The following ERCC5 variants were observed in gnomAD, a reference collection of about 807,000 sequenced individuals.
ERCC5 encodes ERCC excision repair 5, endonuclease.
A neutral mutation model predicts 105.6 loss-of-function variants in ERCC5; 68 were observed. That is an observed-to-expected ratio of 0.64 (90% CI 0.53 to 0.79). ERCC5 has a LOEUF of 0.79. Ranked by LOEUF, ERCC5 falls within the 30% of genes least tolerant of loss-of-function variation. The probability of loss-of-function intolerance (pLI) is 0.00; values close to 1 mark genes in which losing one functional copy is unlikely to be tolerated. For synonymous variants in ERCC5, 546 were observed against 526.2 expected (o/e 1.04, Z -0.51); for missense variants, 1,373 against 1,426.7 (o/e 0.96, Z 0.61).
rs1374580761 is a variant in ERCC5, at chr13:102,862,159, C to T, written c.1010C>T (p.Ala337Val). ...EKLKTEKEPD[A>V]TPPSPRTLLA... ...CTGAAGACAGAGAAAGAGCCTGATG[C>T]TACCCCTCCTTCTCCAAGAACTTTA... is the stretch of plus-strand genomic sequence containing the variant. Residue 337 changes from alanine (A) to valine (V), a missense_variant, in exon 8 of 15, where the codon GCT (alanine) becomes GTT (valine). This residue lies in a region of ERCC5 where 1,004 missense variants were observed against 1,059.7 expected (regional missense o/e 0.95). Transcript: ENST00000652225. 6.2e-7 allele frequency: 1 copy of T among 1,614,098 alleles called. No individual in the cohort carries two copies. The highest frequency in any genetic ancestry group is 8.5e-7 in the Non-Finnish European group (1 of 1,180,052).
Position 102,873,160 on chromosome 13 carries a change from G to A in ERCC5, c.2880-99G>A, listed in dbSNP as rs4150365. 33 of 1,418,432 alleles carry A rather than the reference G, an allele frequency of 2.3e-5. No homozygotes were observed. The Middle Eastern group carries it at 5.5e-4, about 24-fold the overall frequency. 87.9% of individuals were successfully genotyped at this position (1,418,432 alleles called of 1,614,324 possible). ...CTTTATAAATAGGAAAATCTTAGGA[G>A]ATACAGGGAATGGAATCAAGAATGG... is the stretch of plus-strand genomic sequence containing the variant. On this transcript the variant is annotated intron_variant, in intron 13 of 14. Coordinates refer to ENST00000652225, the MANE Select transcript of ERCC5 (RefSeq NM_000123.4).
chr13:102,854,546 C>G (rs1053173359), intron 4 of ERCC5, among the ~76,000 whole-genome samples, 172 bp downstream of exon 4: 4 of 152,148 alleles, frequency 2.6e-5, no homozygotes, highest in South Asian at 4.1e-4. Flanking sequence ...TTTTTATTTA[C>G]TATTCTTTGT....
chr13:102,875,629 C>T lies in ERCC5; in HGVS notation c.3287C>T (p.Ser1096Leu), dbSNP rs2140543626. 2 of 1,614,000 alleles carry T rather than the reference C, an allele frequency of 1.2e-6. No homozygotes were observed. Among genetic ancestry groups the T allele is most frequent in the Non-Finnish European group, 1.7e-6 (2 of 1,179,950 alleles). Residue 1096 changes from serine (S) to leucine (L), a missense_variant, in exon 15 of 15, where the codon TCA becomes TTA. Transcript: ENST00000652225. ...GFLGETCLSE[S>L]SDGSSSEDAE... is the part of the protein sequence containing the mutation. ...TTGGGGGAGACCTGCCTCTCAGAAT[C>T]ATCTGATGGATCTTCAAGTGAAGAT...
At chr13:102,866,520 C>T in intron 10 of ERCC5, 112 bp from the exon 11 acceptor site, 1 of 1,600,652 alleles carries the variant, frequency 6.2e-7, no homozygotes, top group Non-Finnish European at 8.5e-7. Context: ...CTGTGTGTCC[C>T]TAACTCTGCA....
chr13:102,846,770 A>G (rs182484028), intron 1 of ERCC5, among the ~76,000 whole-genome samples: 1 of 152,078 alleles, frequency 6.6e-6, no homozygotes, highest in Non-Finnish European at 1.5e-5. Context: ...TTCCATCGCA[A>G]ATATTTTTGA....
At chr13:102,866,450 G>A in intron 10 of ERCC5, 69 bp downstream of exon 10, 1 of 1,613,176 alleles carries the variant, frequency 6.2e-7, no homozygotes, top group Non-Finnish European at 8.5e-7. Context: ...ACTGCATGAA[G>A]GGGGTATGCA....
chr13:102,846,365 C>T lies in ERCC5; in HGVS notation c.88+11C>T. The T allele has an allele frequency of 6.2e-7, 1 of 1,612,572 alleles. No homozygotes were observed. The highest frequency in any genetic ancestry group is 8.5e-7 in the Non-Finnish European group (1 of 1,178,692). ...AGATCCTGGCTGTTGGTATCCTTAA[C>T]GCCGCGTTGGGACTTGGGGTGCAGG... On this transcript the variant is annotated intron_variant, in intron 1 of 14. Transcript: ENST00000652225.
chr13:102,875,945 T>C lies in ERCC5; in HGVS notation c.*42T>C. 6.3e-7 allele frequency: 1 copy of C among 1,593,526 alleles called. No homozygotes were observed. On this transcript the variant is annotated 3_prime_UTR_variant, in exon 15 of 15. Coordinates refer to ENST00000652225, the MANE Select transcript of ERCC5 (RefSeq NM_000123.4). ...CTCTATAATTAGTTATGACAGCCATTTGTAATGAATTTGTCGCAAAGACGT... is the reference window on the plus strand; with the variant it reads ...CTCTATAATTAGTTATGACAGCCATCTGTAATGAATTTGTCGCAAAGACGT...
chr13:102,872,101 A>T, intron 12 of ERCC5, 97 bp from the exon 13 acceptor site: 1 of 1,412,344 alleles, frequency 7.1e-7, no homozygotes, highest in Non-Finnish European at 9.8e-7. Flanking sequence ...TTGAGTTAGA[A>T]CTTGAGTTTA....
chr13:102,866,205 A>G, intron 9 of ERCC5, 57 bp from the exon 10 acceptor site: 1 of 1,605,100 alleles, frequency 6.2e-7, no homozygotes, highest in Non-Finnish European at 8.5e-7. Context: ...GGCTTTTTGT[A>G]AACAAAACTC....
intron 11 of ERCC5, among the ~76,000 whole-genome samples, chr13:102,867,623 C>A (rs931705201): frequency 1.3e-5 from 2 of 152,122 alleles, no homozygotes; most frequent in African/African-American, 4.8e-5. Flanking sequence ...CCACCAGGGT[C>A]TGGTGTGCTA....
chr13:102,848,245 C>CT (rs1448322118), intron 1 of ERCC5, among the ~76,000 whole-genome samples: 1 of 152,142 alleles, frequency 6.6e-6, no homozygotes, highest in Non-Finnish European at 1.5e-5. Flanking sequence ...ATCGGTTTTG[C>CT]TTTATTTCAT....
intron 12 of ERCC5, among the ~76,000 whole-genome samples, chr13:102,869,545 A>G (rs1882965029): frequency 6.6e-6 from 1 of 152,046 alleles, no homozygotes; most frequent in African/African-American, 2.4e-5. Flanking sequence ...GATGCTATAT[A>G]CTTTTTATTT....
intron 4 of ERCC5, among the ~76,000 whole-genome samples, chr13:102,854,674 C>T (rs987670434): frequency 7.2e-5 from 11 of 152,230 alleles, no homozygotes; most frequent in African/African-American, 2.7e-4. Context: ...CTTACACATG[C>T]TGTCTCTAGC....
Position 102,856,065 on chromosome 13 carries a change from G to A in ERCC5, c.481G>A (p.Asp161Asn), listed in dbSNP as rs1351089439. ...TTTGACTTTCAGTTCAGAAGAGGAA[G>A]ATGAAAAAGAATGGCAAGAAAGAAT... ...EEEKHSSEEEDEKEWQERMNQ... is the reference protein window; with the variant it reads ...EEEKHSSEEENEKEWQERMNQ... The change falls in exon 5 of 15, where the codon GAT (aspartate) becomes AAT (asparagine). Residue 161 changes from aspartate (D) to asparagine (N), a missense_variant. Coordinates refer to ENST00000652225, the MANE Select transcript of ERCC5 (RefSeq NM_000123.4). The A allele has an allele frequency of 1.2e-6, 2 of 1,613,838 alleles. No individual in the cohort carries two copies.
intron 1 of ERCC5, among the ~76,000 whole-genome samples, chr13:102,847,192 T>TGTG (rs927730249): frequency 6.6e-6 from 1 of 152,216 alleles, no homozygotes; most frequent in Non-Finnish European, 1.5e-5. Flanking sequence ...ATTGTTTCTG[T>TGTG]ACATGTTTGG....
chr13:102,854,069 G>A, intron 3 of ERCC5, 197 bp downstream of exon 3: 1 of 729,346 alleles, frequency 1.4e-6, no homozygotes, highest in Non-Finnish European at 2.3e-6. Flanking sequence ...AATCAACTTT[G>A]CTAATGAGAA....
intron 5 of ERCC5, among the ~76,000 whole-genome samples, chr13:102,857,267 A>G (rs1317299054): frequency 6.6e-6 from 1 of 152,202 alleles, no homozygotes; most frequent in African/African-American, 2.4e-5. Flanking sequence ...AGTTAAGACC[A>G]TGGGCCTCGT....
chr13:102,861,645 G>T lies in ERCC5; in HGVS notation c.811G>T (p.Gly271Cys), dbSNP rs187564382. Residue 271 changes from glycine (G) to cysteine (C), a missense_variant, in exon 7 of 15, where the codon GGC becomes TGC. Around this residue, in one of 3 missense-constraint regions of ERCC5, gnomAD observed 1,004 missense variants for 1,059.7 expected, o/e 0.95. Transcript: ENST00000652225. ...HIRRQYEDEG[G>C]FLKEVESRRV... ...CCGAAGGCAGTATGAAGATGAAGGGGGCTTTCTGAAGGAGGTAGAGTCAAG... is the reference window on the plus strand; with the variant it reads ...CCGAAGGCAGTATGAAGATGAAGGGTGCTTTCTGAAGGAGGTAGAGTCAAG... The T allele has an allele frequency of 5.6e-6, 9 of 1,614,070 alleles. No homozygotes were observed. In the Admixed American group the frequency reaches 1.5e-4, roughly 27 times the overall value.
Sources: gnomAD v4.1 joint callset for allele counts (sites outside exome capture counted in the v4.1 genomes callset) on GRCh38, gnomAD v4.1.1 for gene constraint, gnomAD v4.1.1 regional missense constraint, MANE v1.5 for transcripts, NCBI Gene and HGNC (gene_info 2026-07-23, HGNC 2026-07-21) for gene names.